IL3RA: variants seen among roughly 807,000 people sequenced by gnomAD.
The protein encoded by IL3RA is interleukin-3 receptor subunit alpha.
In IL3RA, 73 loss-of-function variants were observed where a neutral mutation model predicts 52.3. That is an observed-to-expected ratio of 1.40 (90% CI 1.16 to 1.70). The LOEUF is 1.70. IL3RA is among the 40% of genes most tolerant of loss of function. The pLI, the probability that IL3RA is intolerant of heterozygous loss-of-function variation, is 0.00. For missense variants in IL3RA, 664 were observed against 504.4 expected (o/e 1.32, Z -3.03); for synonymous variants, 260 against 194.0 (o/e 1.34, Z -2.83).
intron 7 of IL3RA, among the ~76,000 whole-genome samples, chrX:1,357,574 G>A (rs1408029055): frequency 2.0e-5 from 3 of 150,404 alleles, no homozygotes; most frequent in Non-Finnish European, 4.4e-5. Flanking sequence ...ATCTTGTCCT[G>A]GCTGGTCTTG....
intron 8 of IL3RA, among the ~76,000 whole-genome samples, chrX:1,364,274 C>T (rs746678536): frequency 4.0e-5 from 6 of 151,650 alleles, no homozygotes; most frequent in South Asian, 2.1e-4. Flanking sequence ...GGTGGATCAC[C>T]GGAGGTTGGG....
chrX:1,345,516 G>C, intron 3 of IL3RA, 82 bp downstream of exon 3: 2 of 960,746 alleles, frequency 2.1e-6, no homozygotes, highest in South Asian at 2.8e-5. Flanking sequence ...TTGAGACGGA[G>C]TCTTGCTCTG....
intron 10 of IL3RA, 50 bp from the exon 11 acceptor site, chrX:1,380,973 G>T: frequency 6.8e-7 from 1 of 1,477,368 alleles, no homozygotes; most frequent in South Asian, 1.1e-5. Context: ...CCCAGATGAT[G>T]AGCTGGTCGG....
At position 1,340,139 on chromosome X, in the gene IL3RA, G is replaced by A. The variant is rs1419679352; in HGVS notation, c.-38-1589G>A. Among the ~76,000 whole-genome samples, 46 of 134,722 alleles carry A rather than the reference G, an allele frequency of 3.4e-4. No individual in the cohort carries two copies. In the East Asian group the frequency reaches 9.8e-3, roughly 29 times the overall value. The allele number at this position is 134,722 out of a possible 152,430, so 88.4% of individuals were successfully genotyped here. Reference sequence around the variant, plus strand: ...TCTTTTTTTTTTTTTTTTTTGAGACGGAGTCTCGCTCTGTCGTCCAGGCTG... The same window carrying A: ...TCTTTTTTTTTTTTTTTTTTGAGACAGAGTCTCGCTCTGTCGTCCAGGCTG... On this transcript the variant is annotated intron_variant, in intron 1 of 11. Coordinates refer to ENST00000331035, the MANE Select transcript of IL3RA (RefSeq NM_002183.4).
chrX:1,348,548 G>A lies in IL3RA; in HGVS notation c.298+3G>A, dbSNP rs755634205. On this transcript the variant is annotated splice_donor_region_variant and intron_variant, in intron 4 of 11. Coordinates refer to ENST00000331035, the MANE Select transcript of IL3RA (RefSeq NM_002183.4). ...GTGGATCCTCTTCCCTGAGAACAGT[G>A]AGAAAAATGTTCATTGTTTGTTTAT... The A allele has an allele frequency of 1.9e-6, 3 of 1,604,616 alleles. No individual in the cohort carries two copies. The highest frequency in any genetic ancestry group is 2.2e-5 in the East Asian group (1 of 44,842).
At chrX:1,353,589 A>T (rs1295198419) in intron 6 of IL3RA, among the ~76,000 whole-genome samples, 1 of 15,976 alleles carries the variant, frequency 6.3e-5, no homozygotes, top group African/African-American at 3.8e-4. Flanking sequence ...TGGGTTCCAC[A>T]TGGGATCCCC....
chrX:1,358,676 C>T (rs1321377291), intron 7 of IL3RA, among the ~76,000 whole-genome samples, 185 bp from the exon 8 acceptor site: 15 of 152,008 alleles, frequency 9.9e-5, no homozygotes, highest in Admixed American at 3.9e-4. Context: ...AATAAACAAA[C>T]AAACCTTTTG....
intron 9 of IL3RA, among the ~76,000 whole-genome samples, chrX:1,377,279 T>C (rs1454578196): frequency 6.6e-6 from 1 of 152,176 alleles, no homozygotes. Flanking sequence ...TCTCACTCTG[T>C]CGCCAGGCTG....
At position 1,354,648 on chromosome X, in the gene IL3RA, G is replaced by A. The variant is rs186717563; in HGVS notation, c.617-1573G>A. On this transcript the variant is annotated intron_variant, in intron 6 of 11. Coordinates refer to ENST00000331035, the MANE Select transcript of IL3RA (RefSeq NM_002183.4). Reference sequence around the variant, plus strand: ...TGGAGAAAGAGGAGGGGGAGGAGGTGGAGATGGGGAGGGGAGGAAGAGGAG... The same window carrying A: ...TGGAGAAAGAGGAGGGGGAGGAGGTAGAGATGGGGAGGGGAGGAAGAGGAG... 6.3e-3 allele frequency among the ~76,000 whole-genome samples: 508 copies of A among 80,324 alleles called. 25 individuals are homozygous for A. The highest frequency in any genetic ancestry group is 0.026 in the African/African-American group (485 of 18,444). 52.7% of individuals were successfully genotyped at this position (80,324 alleles called of 152,430 possible).
In IL3RA at chrX:1,381,047, T is replaced by A. The variant is rs1307791450; in HGVS notation, c.1005T>A (p.Phe335Leu). Residue 335 changes from phenylalanine to leucine, a missense_variant, in exon 11 of 12, where the codon TTT becomes TTA. Phe to Leu is a conservative substitution (Grantham distance 22, BLOSUM62 0). Coordinates refer to ENST00000331035, the MANE Select transcript of IL3RA (RefSeq NM_002183.4). ...CRRYLVMQRL[F>L]PRIPHMKDPI... is the part of the protein sequence containing the mutation. ...GGTATCTGGTGATGCAGAGACTCTTTCCCCGCATCCCTCACATGAAAGACC... is the reference window on the plus strand; with the variant it reads ...GGTATCTGGTGATGCAGAGACTCTTACCCCGCATCCCTCACATGAAAGACC... 1 of 1,613,896 alleles carries A rather than the reference T, an allele frequency of 6.2e-7. No homozygotes were observed. Among genetic ancestry groups the A allele is most frequent in the African/African-American group, 1.3e-5 (1 of 75,044 alleles).
chrX:1,345,296 C>G lies in IL3RA; in HGVS notation c.65-20C>G, dbSNP rs747293009. On this transcript the variant is annotated intron_variant, in intron 2 of 11. Coordinates refer to ENST00000331035, the MANE Select transcript of IL3RA (RefSeq NM_002183.4). ...AGATTCTTACGTATCTCTTCGAACTCCAACCTGTCACCGTTTTAGATCCAA... is the reference window on the plus strand; with the variant it reads ...AGATTCTTACGTATCTCTTCGAACTGCAACCTGTCACCGTTTTAGATCCAA... The G allele has an allele frequency of 2.6e-6, 4 of 1,564,230 alleles. No individual in the cohort carries two copies. The highest frequency in any genetic ancestry group is 3.5e-6 in the Non-Finnish European group (4 of 1,140,132).
intron 8 of IL3RA, among the ~76,000 whole-genome samples, chrX:1,363,510 G>T (rs1181312334): frequency 6.7e-6 from 1 of 149,798 alleles, no homozygotes; most frequent in Non-Finnish European, 1.5e-5. Flanking sequence ...CTGTGGTCTC[G>T]ATCTCCTGAC....
intron 2 of IL3RA, among the ~76,000 whole-genome samples, chrX:1,344,936 A>T (rs1436138016): frequency 6.7e-6 from 1 of 149,592 alleles, no homozygotes; most frequent in African/African-American, 2.5e-5. Flanking sequence ...GCTGAGGCGG[A>T]CGAATCATGA....
At chrX:1,343,040 A>C (rs1281319269) in intron 2 of IL3RA, among the ~76,000 whole-genome samples, 2 of 151,640 alleles carry the variant, frequency 1.3e-5, no homozygotes, top group Non-Finnish European at 2.9e-5. Context: ...ACGCCATTGC[A>C]CTCCAGCCTG....
In IL3RA at chrX:1,365,297, G is replaced by A. The variant is rs775761663; in HGVS notation, c.874+45G>A. ...TGCGCGGGGTGAGCGGGGTGAGCGG[G>A]GTGCGCGGGGTGAGCGGGGTGCGCG... On this transcript the variant is annotated intron_variant, in intron 9 of 11. Coordinates refer to ENST00000331035, the MANE Select transcript of IL3RA (RefSeq NM_002183.4). 84 of 1,358,596 alleles carry A rather than the reference G, an allele frequency of 6.2e-5. No homozygotes were observed. The South Asian group carries it at 9.6e-4, about 16-fold the overall frequency. 84.2% of individuals were successfully genotyped at this position (1,358,596 alleles called of 1,614,324 possible).
chrX:1,341,765 G>C lies in IL3RA; in HGVS notation c.-1G>C. On this transcript the variant is annotated 5_prime_UTR_variant, in exon 2 of 12. Transcript: ENST00000331035. ...TCCTGCGTTCCGGAGCTGCGTTCCC[G>C]ATGGTCCTCCTTTGGCTCACGCTGC... is the stretch of plus-strand genomic sequence containing the variant. The C allele has an allele frequency of 6.2e-7, 1 of 1,613,880 alleles. No homozygotes were observed. The highest frequency in any genetic ancestry group is 8.5e-7 in the Non-Finnish European group (1 of 1,179,852).
intron 10 of IL3RA, among the ~76,000 whole-genome samples, chrX:1,380,157 G>C (rs1199989692): frequency 1.3e-5 from 2 of 151,558 alleles, no homozygotes; most frequent in African/African-American, 4.8e-5. Context: ...GCCTCCCAAA[G>C]TGCTGGGATG....
At chrX:1,337,545 C>T (rs1481571833) in intron 1 of IL3RA, among the ~76,000 whole-genome samples, 3 of 148,732 alleles carry the variant, frequency 2.0e-5, no homozygotes, top group East Asian at 2.0e-4. Context: ...ATATAATGTC[C>T]ATCCACACAG....
intron 11 of IL3RA, among the ~76,000 whole-genome samples, 158 bp from the exon 12 acceptor site, chrX:1,382,233 C>CAGGCGTGAG (rs1367460422): frequency 3.8e-4 from 10 of 26,050 alleles, no homozygotes; most frequent in Non-Finnish European, 6.0e-4. Flanking sequence ...ACAGGTGTGA[C>CAGGCGTGAG]CCACCGCGCC....
Sources: allele counts gnomAD v4.1 joint callset (sites outside exome capture counted in the v4.1 genomes callset), GRCh38; gene constraint gnomAD v4.1.1; transcripts MANE v1.5; gene names NCBI Gene and HGNC (gene_info 2026-07-23, HGNC 2026-07-21).